Variants in POLR3G observed in about 807,000 individuals in gnomAD.
POLR3G encodes DNA-directed RNA polymerase III subunit RPC7.
A neutral mutation model predicts 30.1 loss-of-function variants in POLR3G; 28 were observed. The observed-to-expected ratio is 0.93, with a 90% CI of 0.69 to 1.27. The LOEUF (loss-of-function observed/expected upper bound fraction) is 1.27, where lower values mean the gene tolerates loss of function less well. Among genes scored for constraint, POLR3G ranks in the 50% most tolerant of loss-of-function variants. The pLI is 0.00. For synonymous variants in POLR3G, 79 were observed against 82.5 expected, an observed-to-expected ratio of 0.96 and a Z score of 0.23; for missense variants, 254 against 264.6, an observed-to-expected ratio of 0.96 and a Z score of 0.28.
chr5:90,510,377 T>G (rs1399717423), intron 7 of POLR3G, among the ~76,000 whole-genome samples: 1 of 150,534 alleles, frequency 6.6e-6, no homozygotes, highest in African/African-American at 2.4e-5. Flanking sequence ...AGACTGCGTC[T>G]CAAAGAAAAA....
chr5:90,509,192 T>C (rs1752625329), intron 7 of POLR3G, among the ~76,000 whole-genome samples: 1 of 152,202 alleles, frequency 6.6e-6, no homozygotes, highest in Admixed American at 6.5e-5. Flanking sequence ...TTTTCGTTTT[T>C]CTCCTATTTC....
At chr5:90,490,167 T>TA (rs1751645817) in intron 3 of POLR3G, among the ~76,000 whole-genome samples, 1 of 152,040 alleles carries the variant, frequency 6.6e-6, no homozygotes, top group South Asian at 2.1e-4. Context: ...ACAGGGATAT[T>TA]AAAAACATAA....
chr5:90,505,893 T>C (rs1752459584), intron 6 of POLR3G, among the ~76,000 whole-genome samples: 3 of 152,168 alleles, frequency 2.0e-5, no homozygotes, highest in Non-Finnish European at 4.4e-5. Context: ...CAAAATAACA[T>C]TCTAAAAGTT....
intron 1 of POLR3G, among the ~76,000 whole-genome samples, chr5:90,477,446 A>G (rs1750890745): frequency 6.6e-6 from 1 of 152,208 alleles, no homozygotes; most frequent in African/African-American, 2.4e-5. Context: ...TTAGAGGTCC[A>G]GGTGAGAGAT....
chr5:90,492,939 A>G (rs557696315), intron 3 of POLR3G, among the ~76,000 whole-genome samples: 2 of 152,258 alleles, frequency 1.3e-5, no homozygotes, highest in South Asian at 4.1e-4. Flanking sequence ...AAGAAGAAGA[A>G]TTGGAAGTAG....
intron 7 of POLR3G, among the ~76,000 whole-genome samples, chr5:90,507,674 ATG>A (rs201716216): frequency 0.011 from 1,603 of 152,258 alleles, 36 homozygotes; most frequent in African/African-American, 0.037. Context: ...TTGGTAGGGT[ATG>A]TCTTCCTTCC....
At chr5:90,501,051 A>G (rs1752222020) in intron 5 of POLR3G, among the ~76,000 whole-genome samples, 1 of 152,158 alleles carries the variant, frequency 6.6e-6, no homozygotes, top group South Asian at 2.1e-4. Flanking sequence ...TATGTAGCCC[A>G]AAGCCATTAC....
At chr5:90,500,706 G>C (rs1007640904) in intron 5 of POLR3G, among the ~76,000 whole-genome samples, 1 of 152,040 alleles carries the variant, frequency 6.6e-6, no homozygotes, top group Admixed American at 6.6e-5. Flanking sequence ...AATTCCCCAA[G>C]GGGCAATTCA....
At chr5:90,495,806 A>G in intron 4 of POLR3G, 73 bp downstream of exon 4, 1 of 1,483,100 alleles carries the variant, frequency 6.7e-7, no homozygotes, top group South Asian at 1.4e-5. Flanking sequence ...TTTTTTTAGA[A>G]TAAGTTTTCT....
At chr5:90,485,776 G>A in intron 2 of POLR3G, 92 bp downstream of exon 2, 4 of 842,900 alleles carry the variant, frequency 4.7e-6, no homozygotes, top group Non-Finnish European at 7.6e-6. Flanking sequence ...TATGATTATA[G>A]CATCCTCAAG....
intron 6 of POLR3G, among the ~76,000 whole-genome samples, chr5:90,502,842 AATTT>A (rs1262220630): frequency 7.0e-6 from 1 of 143,010 alleles, no homozygotes. Context: ...AATGAACTGT[AATTT>A]ATTTAATTAA....
intron 6 of POLR3G, among the ~76,000 whole-genome samples, chr5:90,505,423 TAA>T (rs538209479): frequency 8.9e-4 from 136 of 152,298 alleles, no homozygotes; most frequent in African/African-American, 3.2e-3. Context: ...GTAATGAAAA[TAA>T]GTCACTTTTT....
chr5:90,480,457 T>C (rs1751069805), intron 1 of POLR3G, among the ~76,000 whole-genome samples: 1 of 152,176 alleles, frequency 6.6e-6, no homozygotes, highest in African/African-American at 2.4e-5. Context: ...CTGGCAAGGG[T>C]GGTACCTTCG....
intron 3 of POLR3G, among the ~76,000 whole-genome samples, chr5:90,489,788 T>C (rs906336721): frequency 6.6e-6 from 1 of 152,174 alleles, no homozygotes; most frequent in Admixed American, 6.5e-5. Context: ...GTGGTTGTTA[T>C]TAAAGCACAT....
intron 6 of POLR3G, among the ~76,000 whole-genome samples, chr5:90,502,614 C>T (rs1752300496): frequency 6.6e-6 from 1 of 152,042 alleles, no homozygotes; most frequent in African/African-American, 2.4e-5. Context: ...CAGTTCCCTT[C>T]CTATAGACAA....
chr5:90,474,087 T>G, upstream of POLR3G: 1 of 1,575,174 alleles, frequency 6.3e-7, no homozygotes, highest in African/African-American at 1.3e-5. Flanking sequence ...CGCGTCCTCT[T>G]TGGCCTCTCG....
Position 90,488,146 on chromosome 5 carries a change from T to A in POLR3G, c.247+17T>A. ...AAAGACAAGGTACTGTATTGGAGTC[T>A]TTGATTATGTGGCTTAATGTATACA... On this transcript the variant is annotated intron_variant, in intron 3 of 7. Transcript: ENST00000651687. The A allele has an allele frequency of 6.3e-7, 1 of 1,577,066 alleles. No homozygotes were observed. Among genetic ancestry groups the A allele is most frequent in the Non-Finnish European group, 8.6e-7 (1 of 1,164,350 alleles).
chr5:90,475,052 G>A (rs962853131), intron 1 of POLR3G, 32 bp downstream of exon 1: 3 of 152,346 alleles, frequency 2.0e-5, no homozygotes, highest in Admixed American at 6.5e-5. Context: ...GACTTGGGAG[G>A]GGTGGTGAGG....
intron 6 of POLR3G, among the ~76,000 whole-genome samples, chr5:90,503,990 C>T (rs1561257667): frequency 6.6e-6 from 1 of 152,090 alleles, no homozygotes; most frequent in African/African-American, 2.4e-5. Flanking sequence ...ATGGTTAAAT[C>T]TCAACAGGAG....
Sources: allele counts gnomAD v4.1 joint callset (sites outside exome capture counted in the v4.1 genomes callset), GRCh38; gene constraint gnomAD v4.1.1; transcripts MANE v1.5; gene names NCBI Gene and HGNC (gene_info 2026-07-23, HGNC 2026-07-21).